Variants in ZDHHC19 observed in about 807,000 individuals in gnomAD.
The protein encoded by ZDHHC19 is zDHHC palmitoyltransferase 19.
A neutral mutation model predicts 33.9 loss-of-function variants in ZDHHC19; 30 were observed. The ratio of observed to expected loss-of-function variants is 0.88; its 90% CI spans 0.66 to 1.20. The LOEUF is 1.20. Ranked by LOEUF, ZDHHC19 falls within the 50% of genes most tolerant of loss-of-function variation. The probability of loss-of-function intolerance (pLI) is 0.00; values close to 1 mark genes in which losing one functional copy is unlikely to be tolerated. For synonymous variants in ZDHHC19, 178 were observed against 167.6 expected, an observed-to-expected ratio of 1.06 and a Z score of -0.48; for missense variants, 364 against 401.1, an observed-to-expected ratio of 0.91 and a Z score of 0.79.
intron 5 of ZDHHC19, among the ~76,000 whole-genome samples, chr3:196,200,918 G>T (rs1038402270): frequency 6.6e-6 from 1 of 151,570 alleles, no homozygotes; most frequent in African/African-American, 2.4e-5. Context: ...TCAAAGGGCT[G>T]GGATTACAGG....
At chr3:196,211,032 C>T (rs1035200847) in intron 1 of ZDHHC19, 138 bp downstream of exon 1, 4 of 1,422,006 alleles carry the variant, frequency 2.8e-6, no homozygotes, top group Non-Finnish European at 2.9e-6. Flanking sequence ...CTTTGCACGT[C>T]GGTTCCCTCG....
Position 196,207,494 on chromosome 3 carries a change from C to CA in ZDHHC19, c.590dup (p.Ala198GlyfsTer65), listed in dbSNP as rs1560138267. ...CCAGGAGGCCCGCGGCGGACACGGCCACCACGATGCTGCGCGGGTTAAGGA... is the reference window on the plus strand; with the variant it reads ...CCAGGAGGCCCGCGGCGGACACGGCCAACCACGATGCTGCGCGGGTTAAGGA... On this transcript the variant is annotated frameshift_variant, in exon 5 of 8. Transcript: ENST00000296326. LOFTEE classifies it high-confidence loss of function. 1 of 1,559,690 alleles carries CA rather than the reference C, an allele frequency of 6.4e-7. No individual in the cohort carries two copies. The highest frequency in any genetic ancestry group is 8.7e-7 in the Non-Finnish European group (1 of 1,152,408).
intron 5 of ZDHHC19, among the ~76,000 whole-genome samples, 163 bp downstream of exon 5, chr3:196,207,235 C>T (rs1037974715): frequency 2.0e-5 from 3 of 152,180 alleles, no homozygotes; most frequent in Non-Finnish European, 2.9e-5. Context: ...ACTGAGCTCC[C>T]GGAGGAGGCG....
At chr3:196,202,776 A>G (rs1722460325) in intron 5 of ZDHHC19, among the ~76,000 whole-genome samples, 1 of 152,228 alleles carries the variant, frequency 6.6e-6, no homozygotes, top group East Asian at 1.9e-4. Flanking sequence ...TCCGTGTGAC[A>G]GTGAGCACAG....
chr3:196,208,485 G>A lies in ZDHHC19; in HGVS notation c.484C>T (p.Leu162=). The part of the protein sequence containing the change: ...RNFRFFMLLV[L]SLCLYSGAML... Reference sequence around the variant, plus strand: ...GCGCCCGAGTAGAGGCACAGGGACAGGACAAGCAGCATGAAGAAGCGGAAG... The same window carrying A: ...GCGCCCGAGTAGAGGCACAGGGACAAGACAAGCAGCATGAAGAAGCGGAAG... The change falls in exon 4 of 8, where the codon CTG becomes TTG. Residue 162 remains leucine, a synonymous_variant. Transcript: ENST00000296326. 1.2e-6 allele frequency: 2 copies of A among 1,614,228 alleles called. No individual in the cohort carries two copies. Among genetic ancestry groups the A allele is most frequent in the Non-Finnish European group, 1.7e-6 (2 of 1,180,018 alleles).
In ZDHHC19 at chr3:196,198,352, G is replaced by A. The variant is rs772264596; in HGVS notation, c.873C>T (p.Pro291=). 6.6e-7 allele frequency: 1 copy of A among 1,521,446 alleles called. No homozygotes were observed. Among genetic ancestry groups the A allele is most frequent in the Non-Finnish European group, 8.8e-7 (1 of 1,134,978 alleles). The allele number at this position is 1,521,446 out of a possible 1,614,324, so 94.2% of individuals were successfully genotyped here. The change falls in exon 7 of 8, where the codon CCC becomes CCT. Residue 291 remains proline, a synonymous_variant. Coordinates refer to ENST00000296326, the MANE Select transcript of ZDHHC19 (RefSeq NM_001039617.2). ...GTAGGGACCCAGAGGTTGGGGCTGG[G>A]GGGTTGAGAGCAGAGGGGGACATTG... is the stretch of plus-strand genomic sequence containing the variant. ...HPPMSPSALN[P]PAPTSGSLQS...
rs117786667 is a variant in ZDHHC19, at chr3:196,199,440, G to A, written c.688-566C>T. The A allele has an allele frequency of 4.9e-3, 769 of 157,530 alleles. 19 individuals are homozygous for A. In the South Asian group the frequency reaches 0.082, roughly 17 times the overall value. The allele number at this position is 157,530 out of a possible 1,614,324, so 9.8% of individuals were successfully genotyped here. Reference sequence around the variant, plus strand: ...CAACTCCCCTGTGTCCCATGTCCCCGCTCTCCGCCGCAAAGGCTGAGATTT... The same window carrying A: ...CAACTCCCCTGTGTCCCATGTCCCCACTCTCCGCCGCAAAGGCTGAGATTT... On this transcript the variant is annotated intron_variant, in intron 5 of 7. Transcript: ENST00000296326.
Position 196,203,257 on chromosome 3 carries a change from A to G in ZDHHC19, c.687+4141T>C, listed in dbSNP as rs1168735527. ...AATACTCTGTCTCAAAAAAGAAAAA[A>G]AAAGAAAGAAAGAAGAAAGAAAGAG... On this transcript the variant is annotated intron_variant, in intron 5 of 7. Transcript: ENST00000296326. The surrounding 1 kb of genome is among the most constrained non-coding windows in gnomAD (Gnocchi z 4.3). Among the ~76,000 whole-genome samples, 1 of 152,076 alleles carries G rather than the reference A, an allele frequency of 6.6e-6. No homozygotes were observed. Among genetic ancestry groups the G allele is most frequent in the Admixed American group, 6.5e-5 (1 of 15,276 alleles).
At chr3:196,199,825 A>G (rs570132514) in intron 5 of ZDHHC19, among the ~76,000 whole-genome samples, 92 of 151,770 alleles carry the variant, frequency 6.1e-4, no homozygotes, top group Middle Eastern at 3.5e-3. Context: ...GGTGCCTGTG[A>G]TCCCAGCTAC....
At chr3:196,207,255 C>T in intron 5 of ZDHHC19, 143 bp downstream of exon 5, 1 of 644,398 alleles carries the variant, frequency 1.6e-6, no homozygotes, top group East Asian at 3.1e-5. Flanking sequence ...GAGATTGGAG[C>T]CTCTTAAGAG....
chr3:196,198,208 A>C, intron 7 of ZDHHC19, 68 bp downstream of exon 7: 7 of 1,341,872 alleles, frequency 5.2e-6, no homozygotes, highest in Non-Finnish European at 6.8e-6. Flanking sequence ...CTCCCCCCAC[A>C]CCCTCACAAC....
chr3:196,204,342 C>A (rs565830858), intron 5 of ZDHHC19, among the ~76,000 whole-genome samples: 2 of 152,100 alleles, frequency 1.3e-5, no homozygotes, highest in African/African-American at 4.8e-5. Flanking sequence ...AATCTATATG[C>A]TGAAAAACAC....
At chr3:196,210,444 G>A (rs59406858) in intron 2 of ZDHHC19, among the ~76,000 whole-genome samples, 172 bp downstream of exon 2, 1 of 121,836 alleles carries the variant, frequency 8.2e-6, no homozygotes, top group South Asian at 2.3e-4. Context: ...GAGAAAGAAA[G>A]AAAGAAAAGA....
Position 196,198,883 on chromosome 3 carries a change from G to T in ZDHHC19, c.688-9C>A. The T allele has an allele frequency of 1.2e-6, 2 of 1,613,450 alleles. No homozygotes were observed. The highest frequency in any genetic ancestry group is 1.7e-6 in the Non-Finnish European group (2 of 1,179,570). ...CCCTGAAGGTGTCTGCACTGGTCGG[G>T]GATGGAAACCGGAAGAGGAGCTCAG... On this transcript the variant is annotated splice_polypyrimidine_tract_variant and intron_variant, in intron 5 of 7. Transcript: ENST00000296326.
intron 3 of ZDHHC19, 56 bp from the exon 4 acceptor site, chr3:196,208,616 A>C: frequency 6.4e-7 from 1 of 1,573,440 alleles, no homozygotes; most frequent in Non-Finnish European, 8.6e-7. Context: ...CCCAAATTCC[A>C]TCACCCCAAA....
chr3:196,198,414 C>T lies in ZDHHC19; in HGVS notation c.811G>A (p.Gly271Arg), dbSNP rs1383868510. ...AEAVQLQRVV[G>R]PDWTSMPNLH... ...TTCGGCATGGATGTCCAGTCAGGCCCCACCACTCTCTGCAGCTGGACAGCT... is the reference window on the plus strand; with the variant it reads ...TTCGGCATGGATGTCCAGTCAGGCCTCACCACTCTCTGCAGCTGGACAGCT... The change falls in exon 7 of 8, where the codon GGG becomes AGG. Residue 271 changes from glycine (G) to arginine (R), a missense_variant. Coordinates refer to ENST00000296326, the MANE Select transcript of ZDHHC19 (RefSeq NM_001039617.2). 2.6e-6 allele frequency: 4 copies of T among 1,554,246 alleles called. No homozygotes were observed. In the African/African-American group the frequency reaches 5.5e-5, roughly 21 times the overall value.
rs777260780 is a variant in ZDHHC19, at chr3:196,209,381, C to T, written c.403G>A (p.Val135Met). The change falls in exon 3 of 8, where the codon GTG (valine) becomes ATG (methionine). Residue 135 changes from valine (V) to methionine (M), a missense_variant. By Grantham distance (21) the Val-to-Met change is conservative. Coordinates refer to ENST00000296326, the MANE Select transcript of ZDHHC19 (RefSeq NM_001039617.2). ...ACAGGTAGAGGGGCACTCACCTCCA[C>T]ACAGATGTTGCACCAGGGGCAGTGG... ...TYHCPWCNIC[V>M]EDFDHHCKWV... 5 of 1,599,864 alleles carry T rather than the reference C, an allele frequency of 3.1e-6. No individual in the cohort carries two copies. Among genetic ancestry groups the T allele is most frequent in the South Asian group, 2.3e-5 (2 of 88,640 alleles).
rs145607221 is a variant in ZDHHC19 at position 196,203,031 on chromosome 3, G to A, written c.688-4157C>T. Among the ~76,000 whole-genome samples, 734 of 152,180 alleles carry A rather than the reference G, an allele frequency of 4.8e-3. 16 individuals are homozygous for A. In the South Asian group the frequency reaches 0.063, roughly 13 times the overall value. On this transcript the variant is annotated intron_variant, in intron 5 of 7. Transcript: ENST00000296326. This position sits in a 1 kb window ranked among gnomAD's most constrained non-coding sequence, Gnocchi z 4.3. ...TCCCAGCACTTTGGGAGGCCGAGGC[G>A]AGTGGCTCACCTGAGGTCAGGAGTT...
Position 196,207,406 on chromosome 3 carries a change from T to A in ZDHHC19, c.679A>T (p.Lys227Ter). Residue 227 changes from lysine (K) to a stop codon, truncating the protein, a stop_gained, in exon 5 of 8, where the codon AAG becomes TAG. Transcript: ENST00000296326. LOFTEE classifies it high-confidence loss of function. ...LSVSSADRTY[K>*]GKCRHLQGYN... ...CCCGCGGCCCCGCGTACCTTGCCCTTGTAGGTGCGGTCGGCCGAGCTCACG... is the reference window on the plus strand; with the variant it reads ...CCCGCGGCCCCGCGTACCTTGCCCTAGTAGGTGCGGTCGGCCGAGCTCACG... 4 of 1,562,074 alleles carry A rather than the reference T, an allele frequency of 2.6e-6. No individual in the cohort carries two copies. The highest frequency in any genetic ancestry group is 3.5e-6 in the Non-Finnish European group (4 of 1,154,214).
Sources: allele counts gnomAD v4.1 joint callset (sites outside exome capture counted in the v4.1 genomes callset), GRCh38; gene constraint gnomAD v4.1.1; non-coding constraint Gnocchi (gnomAD v3.1); transcripts MANE v1.5; gene names NCBI Gene and HGNC (gene_info 2026-07-23, HGNC 2026-07-21).